The following SUFU variants were observed in gnomAD, a reference collection of about 807,000 sequenced individuals.
SUFU encodes SUFU negative regulator of hedgehog signaling.
Under a neutral mutation model 58.9 loss-of-function variants are expected in SUFU, and 7 were observed. That is an observed-to-expected ratio of 0.12 (90% CI 0.07 to 0.22). The LOEUF (loss-of-function observed/expected upper bound fraction) is 0.22. SUFU is among the 10% of genes least tolerant of loss of function. The probability of loss-of-function intolerance (pLI) is 1.00; values close to 1 mark genes in which losing one functional copy is unlikely to be tolerated. For synonymous variants in SUFU, 232 were observed against 254.8 expected (o/e 0.91, Z 0.85); for missense variants, 451 against 641.3 (o/e 0.70, Z 3.20).
chr10:102,581,706 C>G (rs1428536538), intron 3 of SUFU, among the ~76,000 whole-genome samples: 1 of 152,236 alleles, frequency 6.6e-6, no homozygotes, highest in Non-Finnish European at 1.5e-5. Flanking sequence ...AACCTTTCCT[C>G]CTCAGCAGTC....
At chr10:102,519,326 A>G (rs2062517709) in intron 2 of SUFU, among the ~76,000 whole-genome samples, 1 of 151,590 alleles carries the variant, frequency 6.6e-6, no homozygotes, top group Non-Finnish European at 1.5e-5. Context: ...GGAGTTCGAG[A>G]CCGACCTGGC....
intron 10 of SUFU, among the ~76,000 whole-genome samples, chr10:102,621,174 C>G (rs2063736744): frequency 6.6e-6 from 1 of 152,212 alleles, no homozygotes; most frequent in Non-Finnish European, 1.5e-5. Flanking sequence ...AATCCCCAGC[C>G]CATGCCCTGG....
chr10:102,515,213 A>G (rs989486031), intron 2 of SUFU, among the ~76,000 whole-genome samples: 3 of 151,964 alleles, frequency 2.0e-5, no homozygotes, highest in Non-Finnish European at 4.4e-5. Context: ...TTATTAAAAC[A>G]CTGGATACAG....
intron 2 of SUFU, among the ~76,000 whole-genome samples, chr10:102,537,583 C>T (rs758399759): frequency 1.8e-4 from 27 of 152,214 alleles, no homozygotes; most frequent in Non-Finnish European, 3.2e-4. Context: ...CAAACCCTGG[C>T]AACCACCATC....
chr10:102,627,003 T>G (rs1156503545), intron 10 of SUFU, among the ~76,000 whole-genome samples, 172 bp from the exon 11 acceptor site: 1 of 151,626 alleles, frequency 6.6e-6, no homozygotes, highest in Admixed American at 6.6e-5. Context: ...GGTGAGGGTG[T>G]GGGGGGAATG....
chr10:102,602,755 A>C (rs1195167755), intron 8 of SUFU, among the ~76,000 whole-genome samples: 1 of 152,018 alleles, frequency 6.6e-6, no homozygotes, highest in Non-Finnish European at 1.5e-5. Context: ...CCTACTCTTC[A>C]TTGCCAGCCC....
chr10:102,560,013 C>T (rs1350843021), intron 3 of SUFU, among the ~76,000 whole-genome samples: 3 of 152,202 alleles, frequency 2.0e-5, no homozygotes, highest in Non-Finnish European at 4.4e-5. Flanking sequence ...GTAGGGATCT[C>T]TCCCAGGCCA....
At position 102,631,062 on chromosome 10, in the gene SUFU, C is replaced by G. The variant is rs886046655; in HGVS notation, c.*907C>G. The stretch of plus-strand genomic sequence containing the variant: ...GCCTTTTCCACCCAACCAGGCCTAC[C>G]TGGGAGAGGGTGAGGTTCAGCACAT... On this transcript the variant is annotated 3_prime_UTR_variant, in exon 12 of 12. Transcript: ENST00000369902. 1.3e-4 allele frequency: 31 copies of G among 233,352 alleles called. 1 individual carries two copies. The highest frequency in any genetic ancestry group is 3.4e-5 in the Non-Finnish European group (4 of 118,224). The allele number at this position is 233,352 out of a possible 1,614,324, so 14.5% of individuals were successfully genotyped here.
intron 2 of SUFU, among the ~76,000 whole-genome samples, chr10:102,526,994 T>G (rs943665388): frequency 2.3e-5 from 1 of 43,174 alleles, no homozygotes. Flanking sequence ...ATTATTATTG[T>G]TTTTTTTTTT....
intron 2 of SUFU, among the ~76,000 whole-genome samples, chr10:102,538,091 A>T (rs890098914): frequency 6.6e-6 from 1 of 152,212 alleles, no homozygotes; most frequent in African/African-American, 2.4e-5. Flanking sequence ...ATAATAGGTG[A>T]ACAGAAAACA....
At chr10:102,589,093 G>GTC (rs746412239) in intron 3 of SUFU, among the ~76,000 whole-genome samples, 2 of 150,734 alleles carry the variant, frequency 1.3e-5, no homozygotes, top group African/African-American at 4.9e-5. Context: ...TGGCTAATTT[G>GTC]TGTGTGTGTG....
At chr10:102,518,545 C>CTATCTATCTATG (rs1316400044) in intron 2 of SUFU, among the ~76,000 whole-genome samples, 1 of 151,648 alleles carries the variant, frequency 6.6e-6, no homozygotes, top group Admixed American at 6.6e-5. Flanking sequence ...ATCTATCTAT[C>CTATCTATCTATG]TATTTATTTA....
At chr10:102,527,226 T>C (rs868741513) in intron 2 of SUFU, among the ~76,000 whole-genome samples, 3 of 151,862 alleles carry the variant, frequency 2.0e-5, no homozygotes, top group Admixed American at 6.6e-5. Context: ...ATGGTCTCGA[T>C]CTCCTGACCT....
intron 3 of SUFU, among the ~76,000 whole-genome samples, chr10:102,591,859 C>CA (rs1564696385): frequency 2.0e-5 from 3 of 152,150 alleles, no homozygotes; most frequent in African/African-American, 4.8e-5. Context: ...TCTAAAGTAA[C>CA]GTACCTGCTT....
At chr10:102,627,355 T>C (rs1392081204) in intron 11 of SUFU, 112 bp downstream of exon 11, 2 of 987,926 alleles carry the variant, frequency 2.0e-6, no homozygotes, top group Non-Finnish European at 1.6e-6. Context: ...GGTGCGTGTG[T>C]GCTTGCATGT....
intron 3 of SUFU, among the ~76,000 whole-genome samples, chr10:102,582,822 T>G (rs1339066186): frequency 6.6e-6 from 1 of 152,126 alleles, no homozygotes; most frequent in Non-Finnish European, 1.5e-5. Flanking sequence ...GAATAGAAAG[T>G]GTCTACCCAG....
chr10:102,565,168 G>A (rs2063074521), intron 3 of SUFU, among the ~76,000 whole-genome samples: 1 of 152,190 alleles, frequency 6.6e-6, no homozygotes, highest in Admixed American at 6.5e-5. Flanking sequence ...CCACAGCAGT[G>A]GAGTTGACTA....
At chr10:102,578,579 G>A (rs1026754599) in intron 3 of SUFU, among the ~76,000 whole-genome samples, 8 of 151,926 alleles carry the variant, frequency 5.3e-5, no homozygotes, top group African/African-American at 1.9e-4. Flanking sequence ...ATGGTGGCGC[G>A]TGCCTATAGT....
At chr10:102,528,321 A>C (rs984174077) in intron 2 of SUFU, among the ~76,000 whole-genome samples, 1 of 149,388 alleles carries the variant, frequency 6.7e-6, no homozygotes, top group Non-Finnish European at 1.5e-5. Context: ...TGTAATCCTA[A>C]CACTTTGGGA....
Sources: gnomAD v4.1 joint callset for allele counts (sites outside exome capture counted in the v4.1 genomes callset) on GRCh38, gnomAD v4.1.1 for gene constraint, MANE v1.5 for transcripts, NCBI Gene and HGNC (gene_info 2026-07-23, HGNC 2026-07-21) for gene names.